The following DMXL1 variants were observed in gnomAD, a reference collection of about 807,000 sequenced individuals.
The protein encoded by DMXL1 is Dmx like 1, also known as dmX-like protein 1.
Under a neutral mutation model 319.2 loss-of-function variants are expected in DMXL1, and 99 were observed. The ratio of observed to expected loss-of-function variants is 0.31; its 90% CI spans 0.26 to 0.37. DMXL1 has a LOEUF of 0.37. Ranked by LOEUF, DMXL1 falls within the 10% of genes least tolerant of loss-of-function variation. DMXL1 has a pLI of 1.00. For missense variants in DMXL1, 3,745 were observed against 3,595.6 expected (o/e 1.04, Z -1.06); for synonymous variants, 1,385 against 1,235.2 (o/e 1.12, Z -2.54).
At chr5:119,121,462 G>A (rs1303643855) in intron 9 of DMXL1, among the ~76,000 whole-genome samples, 1 of 151,892 alleles carries the variant, frequency 6.6e-6, no homozygotes, top group Non-Finnish European at 1.5e-5. Flanking sequence ...GGGTACTTGA[G>A]ATTAGGGAGT....
intron 1 of DMXL1, among the ~76,000 whole-genome samples, chr5:119,077,505 T>TTA (rs869143344): frequency 2.1e-5 from 3 of 144,112 alleles, no homozygotes; most frequent in Non-Finnish European, 3.0e-5. Flanking sequence ...TTTTTTTTTT[T>TTA]AAGACAGGGT....
chr5:119,189,598 A>AT, intron 28 of DMXL1, 110 bp from the exon 29 acceptor site: 2 of 972,576 alleles, frequency 2.1e-6, no homozygotes, highest in East Asian at 2.6e-5. Flanking sequence ...TCTCAATCTT[A>AT]TTTTTTTGTG....
chr5:119,212,030 G>T (rs1029156354), intron 34 of DMXL1, among the ~76,000 whole-genome samples: 4 of 152,158 alleles, frequency 2.6e-5, no homozygotes, highest in African/African-American at 9.7e-5. Flanking sequence ...ATCAGTTTCT[G>T]CATAATTCCT....
chr5:119,235,377 G>C (rs1471102916), intron 39 of DMXL1, among the ~76,000 whole-genome samples: 1 of 152,042 alleles, frequency 6.6e-6, no homozygotes, highest in South Asian at 2.1e-4. Context: ...TTAAAAATAC[G>C]ATTCCCAAAA....
At chr5:119,187,309 A>G (rs1777910360) in intron 28 of DMXL1, among the ~76,000 whole-genome samples, 1 of 152,224 alleles carries the variant, frequency 6.6e-6, no homozygotes, top group South Asian at 2.1e-4. Context: ...TAATAGTAGA[A>G]CCATAGGGTT....
At chr5:119,165,900 C>T (rs890993872) in intron 21 of DMXL1, among the ~76,000 whole-genome samples, 3 of 152,172 alleles carry the variant, frequency 2.0e-5, no homozygotes, top group Non-Finnish European at 2.9e-5. Context: ...ACAGCCAAAC[C>T]ATATCAGGTA....
chr5:119,197,704 A>G (rs781341946), intron 31 of DMXL1, 51 bp from the exon 32 acceptor site: 12 of 1,538,430 alleles, frequency 7.8e-6, no homozygotes, highest in Non-Finnish European at 1.1e-5. Flanking sequence ...TTAAAATTGA[A>G]TATGGCATTT....
intron 1 of DMXL1, among the ~76,000 whole-genome samples, chr5:119,073,808 C>A (rs1031695982): frequency 6.6e-6 from 1 of 152,162 alleles, no homozygotes; most frequent in Non-Finnish European, 1.5e-5. Flanking sequence ...TGCTTACGCT[C>A]ATTATCCTGG....
intron 18 of DMXL1, among the ~76,000 whole-genome samples, chr5:119,151,034 A>G (rs1296896175): frequency 6.6e-6 from 1 of 152,218 alleles, no homozygotes; most frequent in Non-Finnish European, 1.5e-5. Flanking sequence ...AAAATTTAAC[A>G]GATTCTTATT....
intron 39 of DMXL1, chr5:119,236,589 A>G (rs528401216): frequency 7.9e-4 from 120 of 152,118 alleles, no homozygotes; most frequent in African/African-American, 2.7e-3. Flanking sequence ...TATGATCCCA[A>G]TTTTTTAAAT....
chr5:119,099,303 C>T (rs527733497), intron 2 of DMXL1, among the ~76,000 whole-genome samples: 3 of 152,066 alleles, frequency 2.0e-5, no homozygotes, highest in South Asian at 2.1e-4. Flanking sequence ...CTCTGGCTTC[C>T]GGGTTCAAGC....
chr5:119,132,922 A>G (rs1219565957), intron 10 of DMXL1: 20 of 609,902 alleles, frequency 3.3e-5, no homozygotes, highest in Non-Finnish European at 5.8e-5. Context: ...ATCATTAAGC[A>G]TTACATTTAC....
chr5:119,145,702 A>T (rs761636245), intron 15 of DMXL1, among the ~76,000 whole-genome samples: 1 of 151,656 alleles, frequency 6.6e-6, no homozygotes, highest in Non-Finnish European at 1.5e-5. Flanking sequence ...CGGATTCTTC[A>T]ATTTTTAATG....
rs2150049492 is a variant in DMXL1, at chr5:119,133,242, G to C, written c.1426G>C (p.Asp476His). 6.2e-7 allele frequency: 1 copy of C among 1,614,150 alleles called. No homozygotes were observed. Among genetic ancestry groups the C allele is most frequent in the South Asian group, 1.1e-5 (1 of 91,084 alleles). ...SFTSLSSAAIDHQIEVLLSEW... is the reference protein window; with the variant it reads ...SFTSLSSAAIHHQIEVLLSEW... ...TACATCATTATCGTCAGCTGCCATT[G>C]ATCATCAGATTGAAGTACTTCTGTC... The change falls in exon 11 of 44, where the codon GAT becomes CAT. Residue 476 changes from aspartate to histidine, a missense_variant. By Grantham distance (81) the Asp-to-His change is moderately conservative. Around this residue, in one of 4 missense-constraint regions of DMXL1, gnomAD observed 2,096 missense variants for 1,985.4 expected, o/e 1.06. Coordinates refer to ENST00000539542, the MANE Select transcript of DMXL1 (RefSeq NM_001290321.3).
intron 38 of DMXL1, 105 bp downstream of exon 38, chr5:119,224,874 C>A (rs1785253208): frequency 1.1e-5 from 5 of 462,032 alleles, no homozygotes; most frequent in Non-Finnish European, 1.9e-5. Context: ...TAATTGAAAG[C>A]ATTTATTTGA....
intron 1 of DMXL1, among the ~76,000 whole-genome samples, chr5:119,097,456 G>A (rs540828566): frequency 2.0e-5 from 3 of 152,050 alleles, no homozygotes; most frequent in Admixed American, 6.6e-5. Flanking sequence ...AGTGGCTCAC[G>A]CCTGTAATCC....
At position 119,148,994 on chromosome 5, in the gene DMXL1, G is replaced by A. The variant is rs1561722560; in HGVS notation, c.3167G>A (p.Arg1056His). Reference sequence around the variant, plus strand: ...GAAGTTAGCTGTGCACATACAAATCGTTTAGCAGTAGCTTATAAGCAGCCT... The same window carrying A: ...GAAGTTAGCTGTGCACATACAAATCATTTAGCAGTAGCTTATAAGCAGCCT... ...PVEVSCAHTNRLAVAYKQPAS... is the reference protein window; with the variant it reads ...PVEVSCAHTNHLAVAYKQPAS... The change falls in exon 18 of 44, where the codon CGT becomes CAT. Residue 1056 changes from arginine to histidine, a missense_variant. Arg to His is a conservative substitution (Grantham distance 29). This residue lies in a region of DMXL1 where 2,096 missense variants were observed against 1,985.4 expected (regional missense o/e 1.06). Coordinates refer to ENST00000539542, the MANE Select transcript of DMXL1 (RefSeq NM_001290321.3). 6.2e-6 allele frequency: 10 copies of A among 1,613,894 alleles called. No individual in the cohort carries two copies. Among genetic ancestry groups the A allele is most frequent in the African/African-American group, 1.3e-5 (1 of 75,022 alleles).
intron 38 of DMXL1, among the ~76,000 whole-genome samples, chr5:119,226,865 G>A (rs560702134): frequency 1.3e-5 from 2 of 152,276 alleles, no homozygotes; most frequent in East Asian, 1.9e-4. Context: ...CAGATGAAAA[G>A]TACATAGAAT....
rs555241567 is a variant in DMXL1 at position 119,237,890 on chromosome 5, G to A, written c.8559+476G>A. On this transcript the variant is annotated intron_variant, in intron 40 of 43. Transcript: ENST00000539542. Reference sequence around the variant, plus strand: ...TTTATGAACTTTCTGTGGCTTCATAGAATACTGAATTTATATTTCATATCT... The same window carrying A: ...TTTATGAACTTTCTGTGGCTTCATAAAATACTGAATTTATATTTCATATCT... Among the ~76,000 whole-genome samples the A allele has an allele frequency of 3.3e-5, 5 of 152,102 alleles. No individual in the cohort carries two copies. The South Asian group carries it at 8.3e-4, about 25-fold the overall frequency.
Sources: gnomAD v4.1 joint callset for allele counts (sites outside exome capture counted in the v4.1 genomes callset) on GRCh38, gnomAD v4.1.1 for gene constraint, gnomAD v4.1.1 regional missense constraint, MANE v1.5 for transcripts, NCBI Gene and HGNC (gene_info 2026-07-23, HGNC 2026-07-21) for gene names.